ECM2: variants seen among roughly 807,000 people sequenced by gnomAD.
ECM2 encodes the protein extracellular matrix protein 2.
In ECM2, 57 loss-of-function variants were observed where a neutral mutation model predicts 67.5. That is an observed-to-expected ratio of 0.84 (90% CI 0.68 to 1.05). ECM2 has a LOEUF of 1.05. Among genes scored for constraint, ECM2 ranks in the 50% least tolerant of loss-of-function variants. The pLI is 0.00. For missense variants in ECM2, 741 were observed against 822.8 expected (o/e 0.90, Z 1.22); for synonymous variants, 258 against 294.5 (o/e 0.88, Z 1.27).
chr9:92,557,875 C>T, the ECM2 span, among the ~76,000 whole-genome samples: 1 of 152,112 alleles, frequency 6.6e-6, no homozygotes, highest in Non-Finnish European at 1.5e-5. Flanking sequence ...GATCTCCTGA[C>T]CTTGTGATCC....
rs372289924 is a variant in ECM2, at chr9:92,515,046, A to G, written c.639T>C (p.Ser213=). The change falls in exon 4 of 10, where the codon TCT becomes TCC. Residue 213 remains serine, a synonymous_variant. Transcript: ENST00000344604. ...CTTCTTTCACTTCTTCATCCTCCTC[A>G]GATTGAAGTGCTTCTTTTCTTACTA... is the stretch of plus-strand genomic sequence containing the variant. ...DRIVRKEALQ[S]EEDEEVKEED... The G allele has an allele frequency of 1.3e-5, 21 of 1,613,928 alleles. No individual in the cohort carries two copies. Among genetic ancestry groups the G allele is most frequent in the Non-Finnish European group, 1.8e-5 (21 of 1,180,014 alleles).
At chr9:92,524,524 G>C (rs571022913) in intron 1 of ECM2, among the ~76,000 whole-genome samples, 1 of 152,238 alleles carries the variant, frequency 6.6e-6, no homozygotes, top group African/African-American at 2.4e-5. Flanking sequence ...ACAAAGGAAG[G>C]TTGGCAGTTT....
the ECM2 span, among the ~76,000 whole-genome samples, chr9:92,555,204 T>C: frequency 6.7e-6 from 1 of 149,902 alleles, no homozygotes; most frequent in Admixed American, 6.8e-5. Flanking sequence ...TCTTGGACTT[T>C]TTTTTGGAAA....
intron 1 of ECM2, among the ~76,000 whole-genome samples, chr9:92,531,311 A>AT (rs1229418600): frequency 6.6e-6 from 1 of 152,096 alleles, no homozygotes; most frequent in African/African-American, 2.4e-5. Flanking sequence ...TCCTTGACTT[A>AT]TCAAAGTCTT....
At chr9:92,524,573 C>T (rs1848275246) in intron 1 of ECM2, among the ~76,000 whole-genome samples, 1 of 152,170 alleles carries the variant, frequency 6.6e-6, no homozygotes, top group South Asian at 2.1e-4. Flanking sequence ...GAAACACACA[C>T]ATACTCACAT....
chr9:92,530,445 C>A (rs1220995072), intron 1 of ECM2, among the ~76,000 whole-genome samples: 1 of 151,894 alleles, frequency 6.6e-6, no homozygotes, highest in Non-Finnish European at 1.5e-5. Context: ...TCATTTTATG[C>A]CAATAAAAAG....
upstream of ECM2, among the ~76,000 whole-genome samples, chr9:92,537,067 G>T (rs1292074121): frequency 6.6e-6 from 1 of 151,294 alleles, no homozygotes; most frequent in Non-Finnish European, 1.5e-5. Context: ...GTAGAGATGG[G>T]GTTTCACCAT....
At chr9:92,527,034 G>A (rs1848457446) in intron 1 of ECM2, among the ~76,000 whole-genome samples, 1 of 151,862 alleles carries the variant, frequency 6.6e-6, no homozygotes, top group Admixed American at 6.6e-5. Flanking sequence ...TTAGAGACAG[G>A]GTCTGGCTCT....
intron 6 of ECM2, among the ~76,000 whole-genome samples, chr9:92,508,548 C>T (rs1313561495): frequency 6.6e-6 from 1 of 152,146 alleles, no homozygotes; most frequent in African/African-American, 2.4e-5. Context: ...TCATATACAG[C>T]CTGTTAGTAC....
the ECM2 span, among the ~76,000 whole-genome samples, chr9:92,546,840 A>G: frequency 1.3e-5 from 2 of 152,216 alleles, no homozygotes; most frequent in Non-Finnish European, 2.9e-5. Context: ...GAAAATCTAA[A>G]TTGTCTATAA....
At position 92,500,764 on chromosome 9, in the gene ECM2, C is replaced by T; in HGVS notation, c.1894G>A (p.Ala632Thr). 3 of 1,613,782 alleles carry T rather than the reference C, an allele frequency of 1.9e-6. No homozygotes were observed. Among genetic ancestry groups the T allele is most frequent in the Non-Finnish European group, 2.5e-6 (3 of 1,179,732 alleles). Residue 632 changes from alanine to threonine, a missense_variant, in exon 9 of 10, where the codon GCA becomes ACA. Transcript: ENST00000344604. ...TTGTTCAGCCTCAGAAAATGTAGTG[C>T]TTTCATTTCTTGTATCCCAGGTGGT... is the stretch of plus-strand genomic sequence containing the variant. ...SIPPGIQEMK[A>T]LHFLRLNNNK...
intron 2 of ECM2, among the ~76,000 whole-genome samples, chr9:92,520,513 G>T (rs959694060): frequency 2.6e-5 from 4 of 152,154 alleles, no homozygotes; most frequent in Non-Finnish European, 5.9e-5. Flanking sequence ...TTGCTGGTGG[G>T]CATATAACAG....
upstream of ECM2, among the ~76,000 whole-genome samples, chr9:92,538,529 C>T (rs1849242789): frequency 6.6e-6 from 1 of 152,094 alleles, no homozygotes. Context: ...CTTAAAGTAA[C>T]AGCACTGAGG....
chr9:92,524,125 G>T (rs1407247877), intron 1 of ECM2, among the ~76,000 whole-genome samples: 1 of 152,154 alleles, frequency 6.6e-6, no homozygotes, highest in African/African-American at 2.4e-5. Flanking sequence ...TGTGACTGAT[G>T]TAATCCACAA....
upstream of ECM2, among the ~76,000 whole-genome samples, chr9:92,541,128 G>A (rs1024802519): frequency 2.0e-5 from 3 of 151,258 alleles, no homozygotes; most frequent in Admixed American, 6.6e-5. Context: ...GTGCGGTGGC[G>A]GGTGCCTATA....
chr9:92,513,616 A>G (rs1193012875), intron 4 of ECM2, among the ~76,000 whole-genome samples: 1 of 152,236 alleles, frequency 6.6e-6, no homozygotes, highest in Non-Finnish European at 1.5e-5. Context: ...GAAGAGAGGA[A>G]TGAACTACTG....
intron 7 of ECM2, 150 bp from the exon 8 acceptor site, chr9:92,502,802 G>GTT: frequency 1.3e-5 from 5 of 384,736 alleles, no homozygotes; most frequent in Non-Finnish European, 1.6e-5. Context: ...TTTTTAAGTT[G>GTT]TCTTTTTTTT....
At chr9:92,535,125 T>G (rs1849088488) in intron 1 of ECM2, among the ~76,000 whole-genome samples, 1 of 152,124 alleles carries the variant, frequency 6.6e-6, no homozygotes, top group South Asian at 2.1e-4. Context: ...TCACTTTTAC[T>G]TACCCAGAAA....
intron 1 of ECM2, among the ~76,000 whole-genome samples, chr9:92,527,127 G>A (rs904281283): frequency 1.3e-5 from 2 of 152,104 alleles, no homozygotes; most frequent in Non-Finnish European, 2.9e-5. Flanking sequence ...TCACACCTCA[G>A]CCTCCCGAGT....
Sources: gnomAD v4.1 joint callset for allele counts (sites outside exome capture counted in the v4.1 genomes callset) on GRCh38, gnomAD v4.1.1 for gene constraint, MANE v1.5 for transcripts, NCBI Gene and HGNC (gene_info 2026-07-23, HGNC 2026-07-21) for gene names.